The following TXNDC12 variants were observed in gnomAD, a reference collection of about 807,000 sequenced individuals.
TXNDC12 encodes the protein thioredoxin domain-containing protein 12.
Under a neutral mutation model 24.2 loss-of-function variants are expected in TXNDC12, and 22 were observed. The ratio of observed to expected loss-of-function variants is 0.91; its 90% CI spans 0.65 to 1.30. The LOEUF is 1.30. Ranked by LOEUF, TXNDC12 falls within the 50% of genes most tolerant of loss-of-function variation. The pLI is 0.00. For synonymous variants in TXNDC12, 58 were observed against 73.4 expected (o/e 0.79, Z 1.07); for missense variants, 184 against 205.8 (o/e 0.89, Z 0.65).
At chr1:52,046,853 TAAAA>T (rs753854382) in intron 1 of TXNDC12, among the ~76,000 whole-genome samples, 16,258 of 127,266 alleles carry the variant, frequency 0.13, 1,171 homozygotes, top group Non-Finnish European at 0.16. Context: ...CCATCTCTAC[TAAAA>T]AAAAAAAAAA....
intron 2 of TXNDC12, chr1:52,033,523 G>A: frequency 6.2e-7 from 1 of 1,613,992 alleles, no homozygotes; most frequent in Non-Finnish European, 8.5e-7. Context: ...GTAGTTAAGC[G>A]AGTCCAGGAT....
At chr1:52,040,760 G>A (rs550264551) in intron 2 of TXNDC12, among the ~76,000 whole-genome samples, 1 of 152,258 alleles carries the variant, frequency 6.6e-6, no homozygotes, top group Non-Finnish European at 1.5e-5. Context: ...GCCGGGCGTG[G>A]TGGCTCACAT....
rs1189100458 is a variant in TXNDC12, at chr1:52,021,580, A to AAG, written c.440-570_440-569dup. ...CAGGCCAAAAAAAAAAAAAAAAAAA[A>AAG]AGAGAGAGAGAAACCTGGAAGGAGG... On this transcript the variant is annotated intron_variant, in intron 6 of 6. Coordinates refer to ENST00000371626, the MANE Select transcript of TXNDC12 (RefSeq NM_015913.4). Among the ~76,000 whole-genome samples, 273 of 150,614 alleles carry AAG rather than the reference A, an allele frequency of 1.8e-3. 3 individuals carry two copies. The highest frequency in any genetic ancestry group is 5.6e-3 in the East Asian group (28 of 4,972).
intron 1 of TXNDC12, among the ~76,000 whole-genome samples, chr1:52,042,718 G>C (rs1402516564): frequency 6.6e-6 from 1 of 152,132 alleles, no homozygotes; most frequent in Admixed American, 6.5e-5. Context: ...CACCTCCTGG[G>C]TTCAAGCGAT....
At chr1:52,034,313 T>C (rs1338293652) in intron 2 of TXNDC12, among the ~76,000 whole-genome samples, 1 of 152,094 alleles carries the variant, frequency 6.6e-6, no homozygotes, top group Non-Finnish European at 1.5e-5. Flanking sequence ...CTATAATGGA[T>C]AGATGCAGGT....
chr1:52,033,948 C>A (rs1685835552), intron 2 of TXNDC12: 1 of 1,428,240 alleles, frequency 7.0e-7, no homozygotes, highest in Non-Finnish European at 9.1e-7. Context: ...AAAGGAGATA[C>A]AGAGACTATA....
chr1:52,047,246 C>T (rs1686113436), intron 1 of TXNDC12, among the ~76,000 whole-genome samples: 1 of 152,028 alleles, frequency 6.6e-6, no homozygotes, highest in Non-Finnish European at 1.5e-5. Context: ...CAGGTAACAA[C>T]AGGAAAGGGA....
chr1:52,048,863 AT>A (rs1686147857), intron 1 of TXNDC12, among the ~76,000 whole-genome samples: 1 of 150,850 alleles, frequency 6.6e-6, no homozygotes, highest in South Asian at 2.1e-4. Flanking sequence ...TCTCAAAAAA[AT>A]AATAATTAAT....
At chr1:52,023,890 G>C (rs1402951263) in intron 5 of TXNDC12, among the ~76,000 whole-genome samples, 3 of 152,000 alleles carry the variant, frequency 2.0e-5, no homozygotes, top group Admixed American at 2.0e-4. Context: ...AGGTTCAAGG[G>C]TGAGAATTCT....
chr1:52,027,144 C>T (rs1250664077), intron 4 of TXNDC12, 131 bp downstream of exon 4: 35 of 599,026 alleles, frequency 5.8e-5, no homozygotes, highest in South Asian at 5.8e-4. Flanking sequence ...TTAGTATTAG[C>T]GGTCAAGAGA....
intron 2 of TXNDC12, chr1:52,032,636 T>C: frequency 1.3e-6 from 2 of 1,532,006 alleles, no homozygotes; most frequent in South Asian, 2.6e-5. Context: ...AGCCTATTTT[T>C]CCCAGAGAAA....
intron 2 of TXNDC12, among the ~76,000 whole-genome samples, chr1:52,039,082 C>A (rs1256480939): frequency 1.1e-5 from 1 of 90,650 alleles, no homozygotes; most frequent in African/African-American, 4.5e-5. Context: ...GAGCAAGACA[C>A]CGTCTCAAAA....
At chr1:52,033,343 TC>T (rs1459552372) in intron 2 of TXNDC12, 2 of 1,613,784 alleles carry the variant, frequency 1.2e-6, no homozygotes, top group Non-Finnish European at 1.7e-6. Flanking sequence ...TCTCCCGTCC[TC>T]CTCAGCGCGT....
At chr1:52,032,707 C>T (rs780610972) in intron 2 of TXNDC12, 14 of 1,606,040 alleles carry the variant, frequency 8.7e-6, no homozygotes, top group Middle Eastern at 1.7e-4. Flanking sequence ...TCAGTGCAGG[C>T]TCTGGCTCAA....
At chr1:52,034,047 A>T (rs1685837299) in intron 2 of TXNDC12, 2 of 1,379,010 alleles carry the variant, frequency 1.5e-6, no homozygotes, top group South Asian at 3.8e-5. Flanking sequence ...TTTTATTAAT[A>T]AGGCCTAAGG....
chr1:52,053,579 G>C (rs951446416), intron 1 of TXNDC12, among the ~76,000 whole-genome samples: 1 of 151,994 alleles, frequency 6.6e-6, no homozygotes, highest in African/African-American at 2.4e-5. Flanking sequence ...CAGGAGAATC[G>C]CTTGAACCCA....
chr1:52,043,467 C>A (rs1686033071), intron 1 of TXNDC12, among the ~76,000 whole-genome samples: 1 of 152,166 alleles, frequency 6.6e-6, no homozygotes, highest in South Asian at 2.1e-4. Context: ...TTACTGACCA[C>A]CTTATATGTG....
intron 2 of TXNDC12, among the ~76,000 whole-genome samples, chr1:52,037,326 C>T (rs2809959): frequency 0.047 from 7,084 of 151,816 alleles, 225 homozygotes; most frequent in East Asian, 0.13. Context: ...AATTCTCCTG[C>T]CTCAGCCTCC....
chr1:52,052,100 T>C (rs571251490), intron 1 of TXNDC12, among the ~76,000 whole-genome samples: 46 of 152,324 alleles, frequency 3.0e-4, no homozygotes, highest in African/African-American at 1.1e-3. Flanking sequence ...TAAGCTGCCC[T>C]TCTATGTGCT....
Sources: gnomAD v4.1 joint callset for allele counts (sites outside exome capture counted in the v4.1 genomes callset) on GRCh38, gnomAD v4.1.1 for gene constraint, MANE v1.5 for transcripts, NCBI Gene and HGNC (gene_info 2026-07-23, HGNC 2026-07-21) for gene names.